The following SLC7A2 variants were observed in gnomAD, a reference collection of about 807,000 sequenced individuals.
The protein encoded by SLC7A2 is solute carrier family 7 member 2.
In SLC7A2, 48 loss-of-function variants were observed where a neutral mutation model predicts 58.9. The observed-to-expected ratio is 0.82, with a 90% confidence interval of 0.65 to 1.04. The LOEUF is 1.04. Ranked by LOEUF, SLC7A2 falls within the 50% of genes least tolerant of loss-of-function variation. The pLI is 0.00. For missense variants in SLC7A2, 1,029 were observed against 818.8 expected, an observed-to-expected ratio of 1.26 and a Z score of -3.13; for synonymous variants, 363 against 314.5, an observed-to-expected ratio of 1.15 and a Z score of -1.63.
chr8:17,507,600 C>T (rs768171615), intron 2 of SLC7A2, among the ~76,000 whole-genome samples: 1 of 152,146 alleles, frequency 6.6e-6, no homozygotes, highest in South Asian at 2.1e-4. Context: ...GCAAATTACC[C>T]TTATTTGATC....
intron 8 of SLC7A2, among the ~76,000 whole-genome samples, chr8:17,557,446 C>T (rs7017409): frequency 1.3e-4 from 20 of 152,230 alleles, no homozygotes; most frequent in African/African-American, 4.8e-4. Context: ...ACCTGGAATG[C>T]ATGGCTTTAA....
At chr8:17,510,255 A>AT (rs1800549599) in intron 2 of SLC7A2, among the ~76,000 whole-genome samples, 4 of 151,832 alleles carry the variant, frequency 2.6e-5, no homozygotes, top group South Asian at 4.2e-4. Context: ...AATAATAATA[A>AT]AAGAGTGAGC....
chr8:17,554,633 C>G lies in SLC7A2; in HGVS notation c.1129C>G (p.Leu377Val), dbSNP rs759583736. ...GGAGGATGGGTTGCTTTTCAAATGT[C>G]TAGCTCAAATCAATTCCAAAACGAA... ...MAEDGLLFKCLAQINSKTKTP... is the reference protein window; with the variant it reads ...MAEDGLLFKCVAQINSKTKTP... The change falls in exon 8 of 13, where the codon CTA becomes GTA. Residue 377 changes from leucine (L) to valine (V), a missense_variant. Leu to Val is a conservative substitution (Grantham distance 32, BLOSUM62 1). Coordinates refer to ENST00000494857, the MANE Select transcript of SLC7A2 (RefSeq NM_001370338.1). The G allele has an allele frequency of 6.2e-7, 1 of 1,613,550 alleles. No homozygotes were observed. Among genetic ancestry groups the G allele is most frequent in the South Asian group, 1.1e-5 (1 of 90,998 alleles).
At chr8:17,548,936 C>G (rs1802310234) in intron 5 of SLC7A2, 93 bp downstream of exon 5, 1 of 1,036,350 alleles carries the variant, frequency 9.6e-7, no homozygotes, top group Admixed American at 2.2e-5. Flanking sequence ...CTAATAAAGA[C>G]ATACCCATGA....
intron 7 of SLC7A2, among the ~76,000 whole-genome samples, chr8:17,552,548 AATTATCATTCTTAAATAAAT>A: frequency 2.0e-5 from 3 of 147,898 alleles, no homozygotes; most frequent in African/African-American, 7.5e-5. Flanking sequence ...TAGAAATAGA[AATTATCATTCTTAAATAAAT>A]GGTGGAAATT....
In SLC7A2 at chr8:17,554,591, G is replaced by A; in HGVS notation, c.1087G>A (p.Val363Ile). 6.2e-7 allele frequency: 1 copy of A among 1,608,532 alleles called. No individual in the cohort carries two copies. Among genetic ancestry groups the A allele is most frequent in the Non-Finnish European group, 8.5e-7 (1 of 1,178,678 alleles). Reference sequence around the variant, plus strand: ...TGGATCCATTTTCCCAATGCCTCGTGTAATCTATGCTATGGCGGAGGATGG... The same window carrying A: ...TGGATCCATTTTCCCAATGCCTCGTATAATCTATGCTATGGCGGAGGATGG... ...LLGSIFPMPR[V>I]IYAMAEDGLL... The change falls in exon 8 of 13, where the codon GTA becomes ATA. Residue 363 changes from valine to isoleucine, a missense_variant. Physicochemically the swap from Val to Ile is conservative, Grantham distance 29 (BLOSUM62 3). Transcript: ENST00000494857.
intron 2 of SLC7A2, among the ~76,000 whole-genome samples, chr8:17,531,079 G>T (rs546905973): frequency 2.6e-4 from 39 of 152,280 alleles, no homozygotes; most frequent in Middle Eastern, 6.8e-3. Context: ...GAAAGTCAGG[G>T]CTGGGAGATA....
At chr8:17,556,642 T>A (rs1306685556) in intron 8 of SLC7A2, among the ~76,000 whole-genome samples, 1 of 151,842 alleles carries the variant, frequency 6.6e-6, no homozygotes, top group East Asian at 1.9e-4. Flanking sequence ...AGGGTGTCAC[T>A]CTGTCACCCA....
At chr8:17,539,612 G>A (rs1465580109) in intron 2 of SLC7A2, among the ~76,000 whole-genome samples, 1 of 152,166 alleles carries the variant, frequency 6.6e-6, no homozygotes, top group Non-Finnish European at 1.5e-5. Context: ...TATATTCTAA[G>A]GCCAAGGACA....
chr8:17,507,467 G>A (rs1800418093), intron 2 of SLC7A2, among the ~76,000 whole-genome samples: 1 of 152,010 alleles, frequency 6.6e-6, no homozygotes, highest in Non-Finnish European at 1.5e-5. Context: ...TCTCGCCTTG[G>A]CCTCCCAAAG....
chr8:17,566,810 G>T lies in SLC7A2; in HGVS notation c.*1664G>T, dbSNP rs1803286917. On this transcript the variant is annotated 3_prime_UTR_variant, in exon 13 of 13. Coordinates refer to ENST00000494857, the MANE Select transcript of SLC7A2 (RefSeq NM_001370338.1). ...ATCATTAAATAGTTCATTGGATGAG[G>T]CTGGGTGACATTTCCCAGGACAGCA... 6.6e-6 allele frequency: 1 copy of T among 152,082 alleles called. No homozygotes were observed. Among genetic ancestry groups the T allele is most frequent in the Admixed American group, 6.6e-5 (1 of 15,262 alleles). The allele number at this position is 152,082 out of a possible 1,614,324, so 9.4% of individuals were successfully genotyped here.
intron 2 of SLC7A2, 109 bp from the exon 3 acceptor site, chr8:17,543,209 C>CACACACAA (rs1801993212): frequency 1.0e-6 from 1 of 979,602 alleles, no homozygotes; most frequent in Non-Finnish European, 1.5e-6. Flanking sequence ...CACACACACA[C>CACACACAA]ACACACAAAC....
chr8:17,514,161 C>A (rs898051619), intron 2 of SLC7A2, among the ~76,000 whole-genome samples: 2 of 152,002 alleles, frequency 1.3e-5, no homozygotes, highest in African/African-American at 4.8e-5. Flanking sequence ...CAATTTCATC[C>A]CAATTCCCTG....
chr8:17,548,852 T>A lies in SLC7A2; in HGVS notation c.698+9T>A, dbSNP rs1200399000. ...ATATCAGCAAGTGCCAGGTAAAATA[T>A]TTGAGGTTTTTTTTTTTCTCCTTCT... On this transcript the variant is annotated intron_variant, in intron 5 of 12. Transcript: ENST00000494857. 5 of 1,454,876 alleles carry A rather than the reference T, an allele frequency of 3.4e-6. No homozygotes were observed. Among genetic ancestry groups the A allele is most frequent in the Non-Finnish European group, 4.5e-6 (5 of 1,110,274 alleles). The allele number at this position is 1,454,876 out of a possible 1,614,324, so 90.1% of individuals were successfully genotyped here. A position where few individuals can be genotyped will look rare whatever the true frequency, so the allele number is the denominator to read the frequency against.
In SLC7A2 at chr8:17,543,609, G is replaced by C. The variant is rs1802020951; in HGVS notation, c.270G>C (p.Gly90=). The part of the protein sequence containing the change: ...VMAGLCYAEF[G]ARVPKTGSAY... ...CTGGCCTCTGCTATGCCGAATTTGG[G>C]GCCCGTGTTCCCAAGACGGGGTCTG... The change falls in exon 3 of 13, where the codon GGG becomes GGC. Residue 90 remains glycine (G), a synonymous_variant. Coordinates refer to ENST00000494857, the MANE Select transcript of SLC7A2 (RefSeq NM_001370338.1). 6.9e-6 allele frequency: 11 copies of C among 1,603,230 alleles called. No homozygotes were observed. Among genetic ancestry groups the C allele is most frequent in the Non-Finnish European group, 9.4e-6 (11 of 1,174,898 alleles).
chr8:17,567,564 GTA>G lies in SLC7A2; in HGVS notation c.*2428_*2429del, dbSNP rs59234251. 0.11 allele frequency: 16,467 copies of G among 152,420 alleles called. 1,785 individuals are homozygous for G. The highest frequency in any genetic ancestry group is 0.27 in the African/African-American group (11,343 of 41,376). The allele number at this position is 152,420 out of a possible 1,614,324, so 9.4% of individuals were successfully genotyped here. ...AACAGTTACATATGTTTGTATGAGT[GTA>G]TATATATATCTGTGTGTGTGTATCT... On this transcript the variant is annotated 3_prime_UTR_variant, in exon 13 of 13. Coordinates refer to ENST00000494857, the MANE Select transcript of SLC7A2 (RefSeq NM_001370338.1).
At chr8:17,555,052 G>A (rs769912821) in intron 8 of SLC7A2, 7 of 1,613,852 alleles carry the variant, frequency 4.3e-6, no homozygotes, top group Admixed American at 3.3e-5. Context: ...GTCACCAGTT[G>A]CTGCCACGTT....
At chr8:17,496,620 G>A (rs1278117038), upstream of SLC7A2, among the ~76,000 whole-genome samples, 1 of 152,102 alleles carries the variant, frequency 6.6e-6, no homozygotes, top group Non-Finnish European at 1.5e-5. Flanking sequence ...ATTTATCAAC[G>A]TTTAGTTTGC....
At chr8:17,555,693 G>C (rs542980903) in intron 8 of SLC7A2, among the ~76,000 whole-genome samples, 76 of 152,060 alleles carry the variant, frequency 5.0e-4, no homozygotes, top group Non-Finnish European at 1.1e-3. Context: ...ACTCCATCAG[G>C]AATCTATTTT....
Sources: gnomAD v4.1 joint callset for allele counts (sites outside exome capture counted in the v4.1 genomes callset) on GRCh38, gnomAD v4.1.1 for gene constraint, MANE v1.5 for transcripts, NCBI Gene and HGNC (gene_info 2026-07-23, HGNC 2026-07-21) for gene names.